ZFPM2: variants seen among roughly 807,000 people sequenced by gnomAD.
The protein encoded by ZFPM2 is zinc finger protein ZFPM2.
ZFPM2 carries 20 observed loss-of-function variants against 98.6 expected under a neutral mutation model. The observed-to-expected ratio is 0.20, with a 90% CI of 0.14 to 0.29. ZFPM2 has a LOEUF of 0.29. Ranked by LOEUF, ZFPM2 falls within the 10% of genes least tolerant of loss-of-function variation. ZFPM2 has a pLI of 1.00. For missense variants in ZFPM2, 1,310 were observed against 1,388.6 expected (o/e 0.94, Z 0.90); for synonymous variants, 518 against 502.7 (o/e 1.03, Z -0.41).
intron 3 of ZFPM2, among the ~76,000 whole-genome samples, chr8:105,461,408 T>C (rs1195025933): frequency 6.6e-6 from 1 of 152,134 alleles, no homozygotes; most frequent in African/African-American, 2.4e-5. Flanking sequence ...CTGATTTCCT[T>C]TGGGCTTTTA....
At chr8:105,781,519 G>A (rs1477354653) in intron 5 of ZFPM2, among the ~76,000 whole-genome samples, 2 of 152,098 alleles carry the variant, frequency 1.3e-5, no homozygotes, top group Non-Finnish European at 2.9e-5. Flanking sequence ...TCAGGAGTTC[G>A]ATACCAGCCT....
intron 3 of ZFPM2, among the ~76,000 whole-genome samples, chr8:105,457,207 G>A (rs780351711): frequency 6.6e-6 from 1 of 152,096 alleles, no homozygotes; most frequent in African/African-American, 2.4e-5. Context: ...AACCTCAGTA[G>A]CACATTTGGA....
At chr8:105,574,895 G>T (rs751985327) in intron 4 of ZFPM2, among the ~76,000 whole-genome samples, 1 of 151,456 alleles carries the variant, frequency 6.6e-6, no homozygotes, top group Non-Finnish European at 1.5e-5. Context: ...GTGCATCTGA[G>T]ATAGGCATCA....
At chr8:105,728,173 T>C (rs1223028359) in intron 5 of ZFPM2, among the ~76,000 whole-genome samples, 1 of 151,704 alleles carries the variant, frequency 6.6e-6, no homozygotes, top group East Asian at 2.0e-4. Context: ...GTAATAGTAC[T>C]CATATTGGGA....
At chr8:105,415,531 T>C (rs1428756889) in intron 1 of ZFPM2, among the ~76,000 whole-genome samples, 1 of 152,030 alleles carries the variant, frequency 6.6e-6, no homozygotes. Flanking sequence ...TTATGTGTGG[T>C]GATTTTTCTG....
chr8:105,726,567 T>G (rs972405789), intron 5 of ZFPM2, among the ~76,000 whole-genome samples: 7 of 151,794 alleles, frequency 4.6e-5, no homozygotes, highest in African/African-American at 1.4e-4. Context: ...CGTTTGTTTG[T>G]GCTAGCATCA....
chr8:105,740,012 T>C (rs1812176413), intron 5 of ZFPM2, among the ~76,000 whole-genome samples: 1 of 151,998 alleles, frequency 6.6e-6, no homozygotes, highest in Non-Finnish European at 1.5e-5. Context: ...TCCTTAATAC[T>C]GTGACAGTCA....
At chr8:105,598,223 C>T (rs1405512332) in intron 4 of ZFPM2, among the ~76,000 whole-genome samples, 6 of 152,044 alleles carry the variant, frequency 3.9e-5, no homozygotes, top group Non-Finnish European at 7.4e-5. Flanking sequence ...CGGAGTCCAG[C>T]AGTGGGAAGG....
intron 1 of ZFPM2, among the ~76,000 whole-genome samples, chr8:105,363,713 G>A (rs780385035): frequency 6.6e-6 from 1 of 151,794 alleles, no homozygotes; most frequent in Non-Finnish European, 1.5e-5. Context: ...GTATTCCTAA[G>A]TTTGGGGAAA....
At chr8:105,473,045 C>A (rs1812939412) in intron 3 of ZFPM2, among the ~76,000 whole-genome samples, 1 of 152,014 alleles carries the variant, frequency 6.6e-6, no homozygotes, top group Non-Finnish European at 1.5e-5. Context: ...CAGGCACACA[C>A]CACCATGCCT....
chr8:105,350,145 A>G (rs963217817), intron 1 of ZFPM2, among the ~76,000 whole-genome samples: 10 of 152,224 alleles, frequency 6.6e-5, no homozygotes, highest in Non-Finnish European at 1.0e-4. Context: ...TAAATTTGGC[A>G]TTAGACTTCT....
At chr8:105,766,247 G>A (rs1023619726) in intron 5 of ZFPM2, among the ~76,000 whole-genome samples, 12 of 151,826 alleles carry the variant, frequency 7.9e-5, no homozygotes, top group African/African-American at 1.5e-4. Flanking sequence ...GTGAGAAATC[G>A]AAGCTTTCCA....
At chr8:105,452,809 G>A (rs1245609493) in intron 3 of ZFPM2, among the ~76,000 whole-genome samples, 1 of 151,896 alleles carries the variant, frequency 6.6e-6, no homozygotes, top group Non-Finnish European at 1.5e-5. Context: ...CCAAAATTAT[G>A]CATTAAATAT....
chr8:105,787,487 C>T (rs1348851273), intron 5 of ZFPM2: 3 of 152,162 alleles, frequency 2.0e-5, no homozygotes, highest in South Asian at 2.1e-4. Context: ...AATTGCCCAA[C>T]GTTTCTCTAA....
intron 2 of ZFPM2, among the ~76,000 whole-genome samples, chr8:105,438,244 C>A (rs1812164487): frequency 6.6e-6 from 1 of 152,088 alleles, no homozygotes; most frequent in Non-Finnish European, 1.5e-5. Flanking sequence ...GAACTTCTCC[C>A]CTCAAAGCAC....
intron 3 of ZFPM2, among the ~76,000 whole-genome samples, chr8:105,507,626 G>A (rs1281770608): frequency 6.6e-6 from 1 of 152,220 alleles, no homozygotes; most frequent in Admixed American, 6.5e-5. Context: ...GCACAATGAA[G>A]TAGCTTTTAT....
chr8:105,347,989 C>G lies in ZFPM2; in HGVS notation c.40+29008C>G, dbSNP rs183681411. On this transcript the variant is annotated intron_variant, in intron 1 of 7. Transcript: ENST00000407775. ...ACCTTAATCCAGTGTGATTGACCAA[C>G]TTTTCCTATCCAGCTTGAGGACATT... 2.7e-3 allele frequency among the ~76,000 whole-genome samples: 406 copies of G among 152,250 alleles called. 1 individual carries two copies. The highest frequency in any genetic ancestry group is 9.2e-3 in the African/African-American group (381 of 41,548).
At chr8:105,330,227 T>G (rs2130666246) in intron 1 of ZFPM2, among the ~76,000 whole-genome samples, 1 of 151,706 alleles carries the variant, frequency 6.6e-6, no homozygotes, top group East Asian at 2.0e-4. Context: ...TCCTCTATGA[T>G]GTATCATTTT....
At chr8:105,775,619 CT>C (rs1162973264) in intron 5 of ZFPM2, among the ~76,000 whole-genome samples, 1 of 152,112 alleles carries the variant, frequency 6.6e-6, no homozygotes, top group Non-Finnish European at 1.5e-5. Flanking sequence ...TCTTAAGCAG[CT>C]TTGTAATCAG....
Sources: allele counts gnomAD v4.1 joint callset (sites outside exome capture counted in the v4.1 genomes callset), GRCh38; gene constraint gnomAD v4.1.1; transcripts MANE v1.5; gene names NCBI Gene and HGNC (gene_info 2026-07-23, HGNC 2026-07-21).